Variants in GALNTL6 observed in about 807,000 individuals in gnomAD.
GALNTL6 encodes polypeptide N-acetylgalactosaminyltransferase-like 6.
In GALNTL6, 46 loss-of-function variants were observed where a neutral mutation model predicts 73.7. That is an observed-to-expected ratio of 0.62 (90% confidence interval 0.49 to 0.80). The LOEUF (loss-of-function observed/expected upper bound fraction) is 0.80, where lower values mean the gene tolerates loss of function less well. Among genes scored for constraint, GALNTL6 ranks in the 30% least tolerant of loss-of-function variants. The probability of loss-of-function intolerance (pLI) is 0.00; values close to 1 mark genes in which losing one functional copy is unlikely to be tolerated. For missense variants in GALNTL6, 604 were observed against 755.0 expected, an observed-to-expected ratio of 0.80 and a Z score of 2.34; for synonymous variants, 259 against 263.7, an observed-to-expected ratio of 0.98 and a Z score of 0.17.
At chr4:172,630,134 C>G (rs980827532) in intron 5 of GALNTL6, among the ~76,000 whole-genome samples, 2 of 152,080 alleles carry the variant, frequency 1.3e-5, no homozygotes, top group African/African-American at 4.8e-5. Context: ...TGCAAATATC[C>G]TCACTTTTTC....
chr4:172,345,795 G>A (rs1216458611), intron 4 of GALNTL6, among the ~76,000 whole-genome samples: 3 of 152,202 alleles, frequency 2.0e-5, no homozygotes, highest in Non-Finnish European at 4.4e-5. Context: ...TGTGAGAAAG[G>A]AAGACAGAAA....
chr4:172,046,518 T>C (rs536802073), intron 2 of GALNTL6, among the ~76,000 whole-genome samples: 11 of 152,244 alleles, frequency 7.2e-5, no homozygotes, highest in African/African-American at 2.6e-4. Flanking sequence ...TTTCCCAGCA[T>C]TTCACTGACC....
At chr4:172,915,316 C>G (rs1454155975) in intron 8 of GALNTL6, among the ~76,000 whole-genome samples, 1 of 151,976 alleles carries the variant, frequency 6.6e-6, no homozygotes, top group East Asian at 1.9e-4. Flanking sequence ...AAATCAACAC[C>G]CTAACATCAC....
At chr4:172,047,326 A>G (rs1742249822) in intron 2 of GALNTL6, among the ~76,000 whole-genome samples, 1 of 152,168 alleles carries the variant, frequency 6.6e-6, no homozygotes, top group Non-Finnish European at 1.5e-5. Context: ...ACGGAAGTAT[A>G]CAAACAGGTT....
chr4:172,831,456 G>A (rs1207433433), intron 7 of GALNTL6, among the ~76,000 whole-genome samples: 1 of 152,142 alleles, frequency 6.6e-6, no homozygotes, highest in Non-Finnish European at 1.5e-5. Context: ...AATTGGAGAG[G>A]GGCGTCAAGA....
intron 2 of GALNTL6, among the ~76,000 whole-genome samples, chr4:172,048,537 A>G (rs1324642360): frequency 7.9e-5 from 12 of 152,152 alleles, no homozygotes; most frequent in Non-Finnish European, 1.5e-5. Flanking sequence ...CAAATGGTTT[A>G]GTTATCAATA....
intron 4 of GALNTL6, among the ~76,000 whole-genome samples, chr4:172,343,330 A>G (rs1036310794): frequency 6.6e-6 from 1 of 152,204 alleles, no homozygotes; most frequent in Non-Finnish European, 1.5e-5. Context: ...AGTAATGTTT[A>G]AGTGATGGTG....
At chr4:172,162,521 A>C (rs1224066635) in intron 2 of GALNTL6, among the ~76,000 whole-genome samples, 1 of 151,998 alleles carries the variant, frequency 6.6e-6, no homozygotes, top group Non-Finnish European at 1.5e-5. Context: ...AAGTAATGTC[A>C]GTAGTCTAAG....
intron 5 of GALNTL6, among the ~76,000 whole-genome samples, chr4:172,474,868 C>G (rs1221764177): frequency 1.3e-5 from 2 of 152,142 alleles, no homozygotes; most frequent in African/African-American, 4.8e-5. Context: ...CAGTTCATAG[C>G]ACAATCAATA....
chr4:172,763,280 A>C (rs1216415251), intron 5 of GALNTL6, among the ~76,000 whole-genome samples: 1 of 152,212 alleles, frequency 6.6e-6, no homozygotes, highest in African/African-American at 2.4e-5. Flanking sequence ...TGAAGTAAGG[A>C]AAATAGAAAG....
chr4:172,111,034 T>G (rs1732836849), intron 2 of GALNTL6, among the ~76,000 whole-genome samples: 1 of 152,032 alleles, frequency 6.6e-6, no homozygotes, highest in African/African-American at 2.4e-5. Flanking sequence ...TTCCTCTTGG[T>G]GGTTGGAAGT....
At chr4:172,853,143 C>A (rs1020464117) in intron 7 of GALNTL6, among the ~76,000 whole-genome samples, 1 of 152,168 alleles carries the variant, frequency 6.6e-6, no homozygotes, top group East Asian at 1.9e-4. Flanking sequence ...AATCAAGACA[C>A]AGGCCAAGGT....
At chr4:172,705,317 G>A (rs1347698) in intron 5 of GALNTL6, among the ~76,000 whole-genome samples, 64,520 of 149,396 alleles carry the variant, frequency 0.43, 16,024 homozygotes, top group East Asian at 0.69. Context: ...AATTTCTTGC[G>A]TTTGCTTTCT....
intron 3 of GALNTL6, among the ~76,000 whole-genome samples, chr4:172,245,261 C>T (rs764779703): frequency 6.6e-6 from 1 of 152,094 alleles, no homozygotes; most frequent in Non-Finnish European, 1.5e-5. Flanking sequence ...ACACAGAAAA[C>T]TCTAATACCT....
chr4:172,504,207 T>TCCAGGAG (rs1734365700), intron 5 of GALNTL6, among the ~76,000 whole-genome samples: 1 of 45,498 alleles, frequency 2.2e-5, no homozygotes, highest in African/African-American at 5.5e-5. Flanking sequence ...TTGGTCCTAT[T>TCCAGGAG]CCAGGAGATA....
chr4:172,090,663 T>C (rs1258843585), intron 2 of GALNTL6, among the ~76,000 whole-genome samples: 1 of 152,196 alleles, frequency 6.6e-6, no homozygotes, highest in Non-Finnish European at 1.5e-5. Flanking sequence ...AATCTGATGA[T>C]AGTTTCTTTT....
At chr4:171,943,283 G>A (rs146095173) in intron 2 of GALNTL6, among the ~76,000 whole-genome samples, 112 of 152,264 alleles carry the variant, frequency 7.4e-4, no homozygotes, top group African/African-American at 2.4e-3. Flanking sequence ...TGTGAGCAAG[G>A]TTTAGTTTCT....
chr4:173,026,554 T>C (rs1579799620), intron 12 of GALNTL6, among the ~76,000 whole-genome samples: 2 of 152,246 alleles, frequency 1.3e-5, no homozygotes, highest in African/African-American at 4.8e-5. Flanking sequence ...CTGCCAAGAA[T>C]CCAGGTGCTC....
chr4:172,779,789 A>G (rs1009728242), intron 5 of GALNTL6, among the ~76,000 whole-genome samples: 1 of 152,216 alleles, frequency 6.6e-6, no homozygotes, highest in African/African-American at 2.4e-5. Flanking sequence ...TAATTCAAAC[A>G]ATCTCTGAGT....
Sources: allele counts gnomAD v4.1 joint callset (sites outside exome capture counted in the v4.1 genomes callset), GRCh38; gene constraint gnomAD v4.1.1; transcripts MANE v1.5; gene names NCBI Gene and HGNC (gene_info 2026-07-23, HGNC 2026-07-21).